Variants in KLRG1 observed in about 807,000 individuals in gnomAD.
The protein encoded by KLRG1 is killer cell lectin-like receptor subfamily G member 1.
KLRG1 carries 16 observed loss-of-function variants against 21.8 expected under a neutral mutation model. The ratio of observed to expected loss-of-function variants is 0.73; its 90% CI spans 0.50 to 1.11. The LOEUF (loss-of-function observed/expected upper bound fraction) is 1.11. KLRG1 is among the 50% of genes most tolerant of loss of function. KLRG1 has a pLI of 0.00. For missense variants in KLRG1, 173 were observed against 218.3 expected, an observed-to-expected ratio of 0.79 and a Z score of 1.31; for synonymous variants, 69 against 75.9, an observed-to-expected ratio of 0.91 and a Z score of 0.47.
chr12:9,114,383 G>T, the KLRG1 span, among the ~76,000 whole-genome samples: 2 of 152,020 alleles, frequency 1.3e-5, no homozygotes, highest in African/African-American at 4.8e-5. Flanking sequence ...TTTTTATCAT[G>T]ATTTTAAGTA....
chr12:9,115,657 A>G, the KLRG1 span: 2 of 806,506 alleles, frequency 2.5e-6, no homozygotes, highest in Non-Finnish European at 4.1e-6. Context: ...TCTTAGAGAT[A>G]AGAAGATGAC....
the KLRG1 span, chr12:9,153,014 C>G: frequency 6.2e-7 from 1 of 1,610,734 alleles, no homozygotes; most frequent in Non-Finnish European, 8.5e-7. Flanking sequence ...TTCCTCATTA[C>G]TTAACGTCTC....
At chr12:9,007,667 C>G (rs752166692) in intron 3 of KLRG1, among the ~76,000 whole-genome samples, 4 of 152,172 alleles carry the variant, frequency 2.6e-5, no homozygotes, top group Non-Finnish European at 5.9e-5. Flanking sequence ...AATGTTTACT[C>G]TTCAGCAACC....
chr12:9,022,836 GCTTCCATAAAAA>G, the KLRG1 span, among the ~76,000 whole-genome samples: 4 of 152,150 alleles, frequency 2.6e-5, no homozygotes, highest in Non-Finnish European at 5.9e-5. Context: ...ATGTAATGAA[GCTTCCATAAAAA>G]CCCAAAAGAA....
chr12:9,010,766 C>G (rs1406050528), downstream of KLRG1: 1 of 152,114 alleles, frequency 6.6e-6, no homozygotes, highest in Non-Finnish European at 1.5e-5. Context: ...GAAAACTGTT[C>G]ATTCTAGTTA....
the KLRG1 span, chr12:9,182,082 A>G: frequency 6.2e-7 from 1 of 1,613,440 alleles, no homozygotes; most frequent in Non-Finnish European, 8.5e-7. Context: ...GCAACGTCTG[A>G]CTCCACAGGG....
chr12:9,194,469 T>G, the KLRG1 span, among the ~76,000 whole-genome samples: 5 of 148,622 alleles, frequency 3.4e-5, no homozygotes, highest in East Asian at 6.0e-4. Flanking sequence ...GGAGTTTTTT[T>G]TTTTTTTTTT....
chr12:9,038,960 A>G, the KLRG1 span, among the ~76,000 whole-genome samples: 3 of 152,204 alleles, frequency 2.0e-5, no homozygotes, highest in East Asian at 5.8e-4. Flanking sequence ...TAACATTTTG[A>G]TTTAGATTGG....
At chr12:8,958,513 C>T (rs941237973) in intron 1 of KLRG1, among the ~76,000 whole-genome samples, 3 of 152,130 alleles carry the variant, frequency 2.0e-5, no homozygotes, top group Non-Finnish European at 4.4e-5. Flanking sequence ...ATTCTAGGTC[C>T]TTTGCATTTC....
At chr12:8,988,863 T>TCAC, upstream of KLRG1, among the ~76,000 whole-genome samples, 1 of 152,322 alleles carries the variant, frequency 6.6e-6, no homozygotes, top group African/African-American at 2.4e-5. Flanking sequence ...ATTACAGGCG[T>TCAC]GAGCCACCAC....
chr12:9,143,759 A>G, the KLRG1 span, among the ~76,000 whole-genome samples: 1 of 152,140 alleles, frequency 6.6e-6, no homozygotes, highest in Non-Finnish European at 1.5e-5. Context: ...AAAAAGCCAA[A>G]CACTTTGGCT....
chr12:8,995,136 T>C lies in KLRG1; in HGVS notation c.205T>C (p.Cys69Arg), dbSNP rs1472345605. The C allele has an allele frequency of 6.2e-7, 1 of 1,607,144 alleles. No homozygotes were observed. The change falls in exon 3 of 5, where the codon TGT becomes CGT. Residue 69 changes from cysteine (C) to arginine (R), a missense_variant. Cys to Arg is a radical substitution (Grantham distance 180). This residue lies in a region of KLRG1 where 144 missense variants were observed against 161.5 expected (regional missense o/e 0.89). Transcript: ENST00000356986. Reference protein sequence around the residue: ...ILCQGSNYSTCASCPSCPDRW... With the variant: ...ILCQGSNYSTRASCPSCPDRW... ...TCTCCTAGGCTCCAACTACTCCACT[T>C]GTGCCAGCTGTCCTAGCTGCCCAGA...
At chr12:9,200,395 C>G in the KLRG1 span, 42 of 1,610,868 alleles carry the variant, frequency 2.6e-5, no homozygotes, top group Non-Finnish European at 3.6e-5. Context: ...ACTTTTTCAT[C>G]CATGATACTG....
the KLRG1 span, among the ~76,000 whole-genome samples, chr12:9,023,995 A>G: frequency 6.9e-6 from 1 of 145,570 alleles, no homozygotes; most frequent in Non-Finnish European, 1.5e-5. Flanking sequence ...TATGTTGAAA[A>G]TCAATTGATC....
the KLRG1 span, chr12:9,110,410 A>G: frequency 1.5e-5 from 13 of 885,902 alleles, no homozygotes; most frequent in African/African-American, 2.3e-4. Flanking sequence ...CAAAGCAGCT[A>G]GTATTTGCTA....
chr12:9,165,454 C>T, the KLRG1 span: 4 of 1,445,632 alleles, frequency 2.8e-6, no homozygotes, highest in Admixed American at 7.4e-5. Flanking sequence ...AAGCTAACGT[C>T]AAGAACTGAA....
the KLRG1 span, among the ~76,000 whole-genome samples, chr12:9,124,747 C>T: frequency 6.6e-6 from 1 of 152,224 alleles, no homozygotes; most frequent in African/African-American, 2.4e-5. Flanking sequence ...AGAGCCTGCT[C>T]CAATCTTGGG....
At chr12:9,113,256 CTGCAG>C in the KLRG1 span, 4 of 1,221,694 alleles carry the variant, frequency 3.3e-6, no homozygotes, top group Non-Finnish European at 4.6e-6. Flanking sequence ...GGATTCCTTC[CTGCAG>C]TTCTTACCAA....
chr12:9,029,453 T>G, the KLRG1 span, among the ~76,000 whole-genome samples: 2 of 152,200 alleles, frequency 1.3e-5, no homozygotes, highest in Non-Finnish European at 2.9e-5. Flanking sequence ...TAACCTCAAA[T>G]GATCCATCTG....
Sources: allele counts gnomAD v4.1 joint callset (sites outside exome capture counted in the v4.1 genomes callset), GRCh38; gene constraint gnomAD v4.1.1; regional missense constraint gnomAD v4.1.1; transcripts MANE v1.5; gene names NCBI Gene and HGNC (gene_info 2026-07-23, HGNC 2026-07-21).